ADGRL2: variants seen among roughly 807,000 people sequenced by gnomAD.
ADGRL2 encodes adhesion G protein-coupled receptor L2.
In ADGRL2, 44 loss-of-function variants were observed where a neutral mutation model predicts 157.4. The ratio of observed to expected loss-of-function variants is 0.28; its 90% CI spans 0.22 to 0.36. ADGRL2 has a LOEUF of 0.36. Among genes scored for constraint, ADGRL2 ranks in the 10% least tolerant of loss-of-function variants. ADGRL2 has a pLI of 1.00. For synonymous variants in ADGRL2, 585 were observed against 624.7 expected, an observed-to-expected ratio of 0.94 and a Z score of 0.95; for missense variants, 1,510 against 1,768.9, an observed-to-expected ratio of 0.85 and a Z score of 2.63.
intron 1 of ADGRL2, among the ~76,000 whole-genome samples, chr1:81,391,284 G>A (rs1338371099): frequency 6.6e-6 from 1 of 152,422 alleles, no homozygotes. Flanking sequence ...AAGGCCTAGA[G>A]ACTGCCGTGC....
intron 2 of ADGRL2, among the ~76,000 whole-genome samples, chr1:81,473,456 A>G (rs1407014329): frequency 6.6e-6 from 1 of 152,234 alleles, no homozygotes; most frequent in Non-Finnish European, 1.5e-5. Context: ...TACTTGTTGC[A>G]TGTTGAAATA....
chr1:81,635,113 T>C (rs2082090656), intron 3 of ADGRL2, among the ~76,000 whole-genome samples: 1 of 152,126 alleles, frequency 6.6e-6, no homozygotes, highest in Admixed American at 6.5e-5. Context: ...CGGAGTTAAG[T>C]TCCAAGTGGT....
intron 3 of ADGRL2, among the ~76,000 whole-genome samples, chr1:81,923,787 C>G (rs553545468): frequency 1.3e-5 from 2 of 152,160 alleles, no homozygotes; most frequent in South Asian, 4.1e-4. Context: ...AGAAGCCTGA[C>G]ATACAACAGA....
upstream of ADGRL2, among the ~76,000 whole-genome samples, chr1:81,797,609 G>T (rs2087654792): frequency 6.6e-6 from 1 of 152,072 alleles, no homozygotes; most frequent in Non-Finnish European, 1.5e-5. Flanking sequence ...TACTATTTCA[G>T]ATTCTTTGTT....
chr1:81,908,560 G>A (rs928032424), intron 3 of ADGRL2, among the ~76,000 whole-genome samples: 2 of 152,314 alleles, frequency 1.3e-5, no homozygotes, highest in Non-Finnish European at 2.9e-5. Flanking sequence ...AAACATCAGT[G>A]TGCAGTTTCT....
chr1:81,338,341 C>A (rs1010366351), intron 1 of ADGRL2, among the ~76,000 whole-genome samples: 3 of 151,766 alleles, frequency 2.0e-5, no homozygotes, highest in Non-Finnish European at 4.4e-5. Context: ...CCAGCCTGGG[C>A]GACAGAGCAA....
intron 4 of ADGRL2, among the ~76,000 whole-genome samples, chr1:81,937,599 T>C (rs2095329073): frequency 6.6e-6 from 1 of 151,872 alleles, no homozygotes; most frequent in South Asian, 2.1e-4. Flanking sequence ...GAATATTACC[T>C]GATTTTCACA....
chr1:81,747,049 T>C (rs1330943379), intron 1 of ADGRL2, among the ~76,000 whole-genome samples: 5 of 147,230 alleles, frequency 3.4e-5, no homozygotes, highest in Non-Finnish European at 6.0e-5. Context: ...TATATGTATA[T>C]ACGTATATAC....
chr1:81,784,436 T>C (rs538684250), intron 2 of ADGRL2, among the ~76,000 whole-genome samples: 4 of 152,146 alleles, frequency 2.6e-5, no homozygotes, highest in Middle Eastern at 3.2e-3. Context: ...ATAGTACTGA[T>C]TGTAGCCTTG....
intron 3 of ADGRL2, among the ~76,000 whole-genome samples, chr1:81,641,480 C>T (rs1220139061): frequency 2.6e-5 from 4 of 152,148 alleles, no homozygotes; most frequent in Non-Finnish European, 4.4e-5. Flanking sequence ...TATGTCTGAT[C>T]TTAGACCAAA....
chr1:81,840,575 C>A (rs1010057594), intron 2 of ADGRL2, among the ~76,000 whole-genome samples: 1 of 151,982 alleles, frequency 6.6e-6, no homozygotes, highest in Non-Finnish European at 1.5e-5. Context: ...GCTAATTATA[C>A]AAAGGTTTAA....
At chr1:81,743,591 G>C (rs1331119575) in intron 1 of ADGRL2, among the ~76,000 whole-genome samples, 1 of 151,974 alleles carries the variant, frequency 6.6e-6, no homozygotes, top group Admixed American at 6.6e-5. Flanking sequence ...AAGTGCATTA[G>C]AAATGAAGTA....
At chr1:81,958,449 C>T (rs1654303167) in intron 11 of ADGRL2, among the ~76,000 whole-genome samples, 1 of 152,000 alleles carries the variant, frequency 6.6e-6, no homozygotes, top group Admixed American at 6.6e-5. Flanking sequence ...TCTATGTTCC[C>T]ACTCCCTTGA....
chr1:81,673,671 C>T (rs555086428), intron 3 of ADGRL2, among the ~76,000 whole-genome samples: 6 of 152,066 alleles, frequency 3.9e-5, no homozygotes, highest in South Asian at 2.1e-4. Flanking sequence ...CCCACCACCA[C>T]GCCCAGCTAA....
At chr1:81,426,299 G>A (rs754600865) in intron 1 of ADGRL2, among the ~76,000 whole-genome samples, 14 of 152,098 alleles carry the variant, frequency 9.2e-5, no homozygotes, top group African/African-American at 1.9e-4. Context: ...TACAGGGGAG[G>A]TGGGTCAGAC....
rs1206568836 is a variant in ADGRL2, at chr1:81,442,590, T to TATG, written c.-301-2446_-301-2445insATG. ...ACTAAATAAGTCTATGTAGGAAATT[T>TATG]TCCTTTGTTACCTGTCATAGAACCT... On this transcript the variant is annotated intron_variant, in intron 1 of 24. Transcript: ENST00000370721. 1.3e-4 allele frequency among the ~76,000 whole-genome samples: 20 copies of TATG among 152,332 alleles called. No homozygotes were observed. The South Asian group carries it at 4.1e-3, about 32-fold the overall frequency.
chr1:81,325,803 T>C (rs11163250), intron 1 of ADGRL2, among the ~76,000 whole-genome samples: 35,504 of 152,100 alleles, frequency 0.23, 4,519 homozygotes, highest in Middle Eastern at 0.37. Flanking sequence ...TTTGAGATGA[T>C]ATTCAACTCA....
intron 2 of ADGRL2, among the ~76,000 whole-genome samples, chr1:81,859,858 A>G (rs1235888416): frequency 6.6e-6 from 1 of 152,164 alleles, no homozygotes; most frequent in Non-Finnish European, 1.5e-5. Flanking sequence ...TGGAAAGAAC[A>G]TTAAAAATTA....
At chr1:81,373,407 AT>A (rs2076193877) in intron 1 of ADGRL2, among the ~76,000 whole-genome samples, 1 of 152,178 alleles carries the variant, frequency 6.6e-6, no homozygotes, top group South Asian at 2.1e-4. Context: ...TTCCACATAT[AT>A]TCTTTGGAAG....
Sources: allele counts gnomAD v4.1 joint callset (sites outside exome capture counted in the v4.1 genomes callset), GRCh38; gene constraint gnomAD v4.1.1; transcripts MANE v1.5; gene names NCBI Gene and HGNC (gene_info 2026-07-23, HGNC 2026-07-21).